EDA: variants seen among roughly 807,000 people sequenced by gnomAD.
EDA encodes ectodysplasin A.
EDA carries 2 observed loss-of-function variants against 23.6 expected under a neutral mutation model. The ratio of observed to expected loss-of-function variants is 0.08; its 90% CI spans 0.03 to 0.27. The LOEUF (loss-of-function observed/expected upper bound fraction) is 0.27. EDA is among the 10% of genes least tolerant of loss of function. EDA has a pLI of 1.00. For missense variants in EDA, 229 were observed against 324.2 expected (o/e 0.71, Z 2.26); for synonymous variants, 131 against 132.0 (o/e 0.99, Z 0.05).
chrX:69,964,624 C>G lies in EDA; in HGVS notation c.502+7492C>G, dbSNP rs142570869. Among the ~76,000 whole-genome samples the G allele has an allele frequency of 9.8e-3, 1,096 of 111,599 alleles. 16 individuals carry two copies. The highest frequency in any genetic ancestry group is 0.034 in the African/African-American group (1,038 of 30,710). On this transcript the variant is annotated intron_variant, in intron 2 of 7. Transcript: ENST00000374552. ...GTCAGTGAGCCTTTTCATTAGCATCCCTGAGAACGCTCAATAAGGATTAAG... is the reference window on the plus strand; with the variant it reads ...GTCAGTGAGCCTTTTCATTAGCATCGCTGAGAACGCTCAATAAGGATTAAG...
At chrX:69,727,203 C>T (rs1350050105) in intron 1 of EDA, among the ~76,000 whole-genome samples, 2 of 111,748 alleles carry the variant, frequency 1.8e-5, no homozygotes, top group Admixed American at 1.9e-4. Context: ...TCTCTTTTCT[C>T]CTTCTCTGCT....
intron 1 of EDA, among the ~76,000 whole-genome samples, chrX:69,902,251 C>G (rs12559034): frequency 0.32 from 35,168 of 110,743 alleles, 5,013 homozygotes; most frequent in Middle Eastern, 0.55. Flanking sequence ...CTCCATCTCT[C>G]TGTCTTGGAG....
At chrX:69,902,699 T>A (rs1383081118) in intron 1 of EDA, among the ~76,000 whole-genome samples, 1 of 111,994 alleles carries the variant, frequency 8.9e-6, no homozygotes, top group East Asian at 2.8e-4. Context: ...CATTTCTAGG[T>A]TTATTTTTAT....
At chrX:69,857,961 G>A (rs766152585) in intron 1 of EDA, among the ~76,000 whole-genome samples, 12 of 111,668 alleles carry the variant, frequency 1.1e-4, no homozygotes, top group Non-Finnish European at 1.7e-4. Context: ...TTGGTTAGCT[G>A]TATTCCTAGG....
At chrX:69,938,570 T>C (rs1391967120) in intron 1 of EDA, among the ~76,000 whole-genome samples, 1 of 112,017 alleles carries the variant, frequency 8.9e-6, no homozygotes, top group African/African-American at 3.2e-5. Context: ...ATCTCTTAAC[T>C]TTGTGGATTG....
At chrX:69,731,262 G>T (rs1245328466) in intron 1 of EDA, among the ~76,000 whole-genome samples, 2 of 110,673 alleles carry the variant, frequency 1.8e-5, no homozygotes, top group Non-Finnish European at 3.8e-5. Context: ...TGGTCTGTGT[G>T]GTTAAAGGCT....
At chrX:69,654,250 C>T (rs1379933265) in intron 1 of EDA, among the ~76,000 whole-genome samples, 1 of 111,588 alleles carries the variant, frequency 9.0e-6, no homozygotes, top group East Asian at 2.8e-4. Flanking sequence ...CCATGAGATA[C>T]CATCTCACAC....
At chrX:69,646,072 CT>C (rs1932921035) in intron 1 of EDA, among the ~76,000 whole-genome samples, 1 of 111,002 alleles carries the variant, frequency 9.0e-6, no homozygotes, top group Non-Finnish European at 1.9e-5. Context: ...GATTTCAGTT[CT>C]TTTGCATTTG....
chrX:69,841,043 T>C (rs2016884478), intron 1 of EDA, among the ~76,000 whole-genome samples: 1 of 112,244 alleles, frequency 8.9e-6, no homozygotes, highest in Non-Finnish European at 1.9e-5. Flanking sequence ...ATAACAACAA[T>C]ATCTTCTGTA....
intron 1 of EDA, among the ~76,000 whole-genome samples, chrX:69,865,847 A>T (rs1289944103): frequency 8.9e-6 from 1 of 112,675 alleles, no homozygotes; most frequent in African/African-American, 3.2e-5. Context: ...ACTATTAAAT[A>T]AAGTTAACAC....
At chrX:69,835,755 C>T (rs756652415) in intron 1 of EDA, among the ~76,000 whole-genome samples, 1 of 112,094 alleles carries the variant, frequency 8.9e-6, no homozygotes, top group Admixed American at 9.5e-5. Context: ...TGTTCCGCTG[C>T]TGTTGAGGAG....
At chrX:69,734,787 A>G (rs1230122254) in intron 1 of EDA, among the ~76,000 whole-genome samples, 4 of 111,905 alleles carry the variant, frequency 3.6e-5, no homozygotes, top group Non-Finnish European at 7.5e-5. Context: ...GTGTTAGAGA[A>G]CATACTCTGT....
intron 2 of EDA, among the ~76,000 whole-genome samples, chrX:70,008,577 T>C (rs746370449): frequency 6.1e-4 from 68 of 111,786 alleles, no homozygotes; most frequent in Non-Finnish European, 1.1e-3. Flanking sequence ...TGCATCTATA[T>C]TCAAGAGATA....
At chrX:69,647,876 G>A (rs753435360) in intron 1 of EDA, among the ~76,000 whole-genome samples, 4 of 111,720 alleles carry the variant, frequency 3.6e-5, no homozygotes, top group Non-Finnish European at 5.6e-5. Context: ...TTTTTGTGGG[G>A]TTTTTTGTTG....
chrX:69,888,978 T>TATATATATATATATATATATA lies in EDA; in HGVS notation c.397-68049_397-68048insATATATATATATATATATATA, dbSNP rs1556026049. On this transcript the variant is annotated intron_variant, in intron 1 of 7. Transcript: ENST00000374552. The stretch of plus-strand genomic sequence containing the variant: ...GTGGAATTGTTGTATTGTGGGGTAG[T>TATATATATATATATATATATA]TATATATATATATATATATATATAT... Among the ~76,000 whole-genome samples, 27 of 16,013 alleles carry TATATATATATATATATATATA rather than the reference T, an allele frequency of 1.7e-3. 2 individuals are homozygous for TATATATATATATATATATATA. Among genetic ancestry groups the TATATATATATATATATATATA allele is most frequent in the South Asian group, 5.6e-3 (1 of 177 alleles). 13.9% of individuals were successfully genotyped at this position (16,013 alleles called of 115,157 possible). A position where few individuals can be genotyped will look rare whatever the true frequency, so the allele number is the denominator to read the frequency against.
chrX:69,679,405 T>A (rs925750025), intron 1 of EDA, among the ~76,000 whole-genome samples: 4 of 111,072 alleles, frequency 3.6e-5, no homozygotes, highest in African/African-American at 1.3e-4. Context: ...TGGTACGAGT[T>A]CCTCCTCGTA....
rs750365385 is a variant in EDA at position 69,647,492 on chromosome X, T to C, written c.396+30788T>C. Among the ~76,000 whole-genome samples the C allele has an allele frequency of 8.9e-5, 10 of 112,013 alleles. No homozygotes were observed. In the East Asian group the frequency reaches 2.5e-3, roughly 28 times the overall value. ...CTTGGTATATTCTGTTATTGCTACT[T>C]GTGATTGCATTGTGAAGTTCTCGTG... On this transcript the variant is annotated intron_variant, in intron 1 of 7. Coordinates refer to ENST00000374552, the MANE Select transcript of EDA (RefSeq NM_001399.5).
At chrX:69,824,895 G>A (rs1267497901) in intron 1 of EDA, among the ~76,000 whole-genome samples, 1 of 78,080 alleles carries the variant, frequency 1.3e-5, no homozygotes, top group African/African-American at 5.7e-5. Flanking sequence ...TTTATTGAGA[G>A]TTTTTAGCAT....
rs2013927439 is a variant in EDA at position 69,752,590 on chromosome X, A to G, written c.396+135886A>G. Among the ~76,000 whole-genome samples, 3 of 112,138 alleles carry G rather than the reference A, an allele frequency of 2.7e-5. No homozygotes were observed. In the South Asian group the frequency reaches 1.1e-3, roughly 42 times the overall value. ...TTGGTATCAGGATGATGTTGGCCTC[A>G]TAAAATGAATTAGGGAAGATTCCCT... On this transcript the variant is annotated intron_variant, in intron 1 of 7. Transcript: ENST00000374552.
Sources: gnomAD v4.1 joint callset for allele counts (sites outside exome capture counted in the v4.1 genomes callset) on GRCh38, gnomAD v4.1.1 for gene constraint, MANE v1.5 for transcripts, NCBI Gene and HGNC (gene_info 2026-07-23, HGNC 2026-07-21) for gene names.